Variants in PI15 observed in about 807,000 individuals in gnomAD.
The protein encoded by PI15 is peptidase inhibitor 15.
PI15 carries 18 observed loss-of-function variants against 31.0 expected under a neutral mutation model. The ratio of observed to expected loss-of-function variants is 0.58; its 90% CI spans 0.40 to 0.86. The LOEUF (loss-of-function observed/expected upper bound fraction) is 0.86. PI15 is among the 40% of genes least tolerant of loss of function. PI15 has a pLI of 0.00. For synonymous variants in PI15, 118 were observed against 119.1 expected (o/e 0.99, Z 0.06); for missense variants, 282 against 328.1 (o/e 0.86, Z 1.09).
chr8:74,854,503 C>A lies in PI15; in HGVS notation c.*5250C>A, dbSNP rs1386761300. The A allele has an allele frequency of 6.6e-6, 1 of 151,888 alleles. No homozygotes were observed. Among genetic ancestry groups the A allele is most frequent in the Non-Finnish European group, 1.5e-5 (1 of 67,920 alleles). The allele number at this position is 151,888 out of a possible 1,614,324, so 9.4% of individuals were successfully genotyped here. On this transcript the variant is annotated 3_prime_UTR_variant, in exon 6 of 6. Transcript: ENST00000260113. The stretch of plus-strand genomic sequence containing the variant: ...AACATTAATCTAAATGGTTTAGCTC[C>A]CTCTTTTTTCTCTAAAAACAATCAG...
intron 2 of PI15, among the ~76,000 whole-genome samples, chr8:74,831,593 A>G (rs562431911): frequency 6.6e-6 from 1 of 151,752 alleles, no homozygotes; most frequent in African/African-American, 2.4e-5. Context: ...GAGCAAAGGG[A>G]CTCTCTTTGG....
chr8:74,842,766 G>A (rs1810963398), intron 2 of PI15, among the ~76,000 whole-genome samples: 1 of 151,982 alleles, frequency 6.6e-6, no homozygotes, highest in Non-Finnish European at 1.5e-5. Context: ...TTTGTCCTAC[G>A]ATATTTTTCA....
intron 2 of PI15, among the ~76,000 whole-genome samples, chr8:74,839,577 TTTACAAGCAAATTATCTGTGAAAATACC>T (rs1810915982): frequency 6.6e-6 from 1 of 152,152 alleles, no homozygotes; most frequent in East Asian, 1.9e-4. Flanking sequence ...ATTTTAAGTG[TTTACAAGCAAATTATCTGTGAAAATACC>T]TTACAAGCAA....
intron 2 of PI15, among the ~76,000 whole-genome samples, chr8:74,830,543 C>T (rs1444638812): frequency 6.6e-6 from 1 of 151,960 alleles, no homozygotes; most frequent in African/African-American, 2.4e-5. Flanking sequence ...AACTATTTGC[C>T]TAGGATGATA....
Position 74,825,228 on chromosome 8 carries a change from CTCT to C in PI15, c.-15_-13del, listed in dbSNP as rs753284090. ...TTTAAAGCAAAGTAAACTCGGTGGC[CTCT>C]TCTTCTCCACCCCTCAAAATGATAG... On this transcript the variant is annotated 5_prime_UTR_variant, in exon 2 of 6. Coordinates refer to ENST00000260113, the MANE Select transcript of PI15 (RefSeq NM_015886.5). The C allele has an allele frequency of 1.2e-5, 19 of 1,608,858 alleles. No individual in the cohort carries two copies. Among genetic ancestry groups the C allele is most frequent in the African/African-American group, 2.7e-5 (2 of 74,686 alleles).
chr8:74,828,703 G>T (rs1810735327), intron 2 of PI15, among the ~76,000 whole-genome samples: 1 of 152,042 alleles, frequency 6.6e-6, no homozygotes, highest in African/African-American at 2.4e-5. Context: ...GTGATCACCA[G>T]CTGTGTGTTC....
rs1192062029 is a variant in PI15 at position 74,850,221 on chromosome 8, G to A, written c.*968G>A. On this transcript the variant is annotated 3_prime_UTR_variant, in exon 6 of 6. Transcript: ENST00000260113. ...GGAATTTAGTTACAGTGCTTGGAAT[G>A]AGAAGGGGAAGGAAAGAATTAACAA... 3 of 152,240 alleles carry A rather than the reference G, an allele frequency of 2.0e-5. No individual in the cohort carries two copies. The highest frequency in any genetic ancestry group is 2.0e-4 in the Admixed American group (3 of 15,288). 9.4% of individuals were successfully genotyped at this position (152,240 alleles called of 1,614,324 possible).
intron 2 of PI15, among the ~76,000 whole-genome samples, chr8:74,830,913 G>A (rs549329542): frequency 7.2e-5 from 11 of 152,132 alleles, no homozygotes; most frequent in East Asian, 3.9e-4. Flanking sequence ...GGCAGGAGGC[G>A]TTTTCTCCAG....
At position 74,827,268 on chromosome 8, in the gene PI15, C is replaced by T. The variant is rs1202285449; in HGVS notation, c.273+1746C>T. ...TGTAAAATGAGAATAACAATACTAA[C>T]CAATCAAAGAATGCAATTCACTATT... On this transcript the variant is annotated intron_variant, in intron 2 of 5. Coordinates refer to ENST00000260113, the MANE Select transcript of PI15 (RefSeq NM_015886.5). Among the ~76,000 whole-genome samples the T allele has an allele frequency of 4.5e-5, 6 of 133,862 alleles. No individual in the cohort carries two copies. In the East Asian group the frequency reaches 9.8e-4, roughly 22 times the overall value. 87.8% of individuals were successfully genotyped at this position (133,862 alleles called of 152,430 possible). A position where few individuals can be genotyped will look rare whatever the true frequency, so the allele number is the denominator to read the frequency against.
chr8:74,847,881 C>T (rs909413673), intron 5 of PI15, among the ~76,000 whole-genome samples: 2 of 152,086 alleles, frequency 1.3e-5, no homozygotes, highest in African/African-American at 4.8e-5. Context: ...TTATCTTCAA[C>T]CCTGACTTTT....
intron 2 of PI15, among the ~76,000 whole-genome samples, chr8:74,842,246 G>T (rs2128765523): frequency 6.6e-6 from 1 of 152,176 alleles, no homozygotes; most frequent in South Asian, 2.1e-4. Context: ...GGACAAAAAA[G>T]ATCAATAGGA....
At position 74,851,672 on chromosome 8, in the gene PI15, A is replaced by G. The variant is rs1811106055; in HGVS notation, c.*2419A>G. Reference sequence around the variant, plus strand: ...AAATGTTTAATAAATGCTTATATGAATGGATTTTTAGAATTAACTAAGAAG... The same window carrying G: ...AAATGTTTAATAAATGCTTATATGAGTGGATTTTTAGAATTAACTAAGAAG... On this transcript the variant is annotated 3_prime_UTR_variant, in exon 6 of 6. Coordinates refer to ENST00000260113, the MANE Select transcript of PI15 (RefSeq NM_015886.5). The G allele has an allele frequency of 6.6e-6, 1 of 152,082 alleles. No homozygotes were observed. Among genetic ancestry groups the G allele is most frequent in the South Asian group, 2.1e-4 (1 of 4,828 alleles). The allele number at this position is 152,082 out of a possible 1,614,324, so 9.4% of individuals were successfully genotyped here.
chr8:74,848,012 T>C (rs1311931440), intron 5 of PI15, among the ~76,000 whole-genome samples: 1 of 152,184 alleles, frequency 6.6e-6, no homozygotes, highest in Non-Finnish European at 1.5e-5. Context: ...TTTATTAATT[T>C]CTCCTTTATA....
chr8:74,827,198 C>A (rs564017282), intron 2 of PI15, among the ~76,000 whole-genome samples: 3 of 152,000 alleles, frequency 2.0e-5, no homozygotes, highest in Non-Finnish European at 4.4e-5. Flanking sequence ...TACTTTGTGG[C>A]CTTGCACAGG....
chr8:74,826,275 A>G, intron 2 of PI15: 1 of 969,680 alleles, frequency 1.0e-6, no homozygotes, highest in Non-Finnish European at 1.2e-6. Flanking sequence ...CAAGGTTATG[A>G]TTTAAAGTCC....
intron 2 of PI15, among the ~76,000 whole-genome samples, chr8:74,842,474 A>AATT (rs1220144119): frequency 2.0e-5 from 3 of 152,174 alleles, no homozygotes; most frequent in African/African-American, 7.2e-5. Context: ...ATTTTAAAAT[A>AATT]ATTATTTTCA....
At chr8:74,828,432 C>T (rs932349546) in intron 2 of PI15, among the ~76,000 whole-genome samples, 8 of 152,018 alleles carry the variant, frequency 5.3e-5, no homozygotes, top group South Asian at 2.1e-4. Flanking sequence ...CATCTAAATC[C>T]GTCATGAAGA....
chr8:74,828,760 A>G (rs904208041), intron 2 of PI15, among the ~76,000 whole-genome samples: 1 of 152,072 alleles, frequency 6.6e-6, no homozygotes, highest in African/African-American at 2.4e-5. Flanking sequence ...TTAACAGAAG[A>G]TGGTCTTTGG....
chr8:74,838,960 C>T (rs1038443259), intron 2 of PI15, among the ~76,000 whole-genome samples: 11 of 152,172 alleles, frequency 7.2e-5, no homozygotes, highest in African/African-American at 2.7e-4. Flanking sequence ...ATAAGACAGC[C>T]TCATATCTGG....
Sources: allele counts gnomAD v4.1 joint callset (sites outside exome capture counted in the v4.1 genomes callset), GRCh38; gene constraint gnomAD v4.1.1; transcripts MANE v1.5; gene names NCBI Gene and HGNC (gene_info 2026-07-23, HGNC 2026-07-21).